Variants in CRISPLD1 observed in about 807,000 individuals in gnomAD.
CRISPLD1 encodes the protein cysteine rich secretory protein LCCL domain containing 1.
In CRISPLD1, 60 loss-of-function variants were observed where a neutral mutation model predicts 77.5. The observed-to-expected ratio is 0.77, with a 90% CI of 0.63 to 0.96. The LOEUF (loss-of-function observed/expected upper bound fraction) is 0.96, where lower values mean the gene tolerates loss of function less well. CRISPLD1 is among the 40% of genes least tolerant of loss of function. The probability of loss-of-function intolerance (pLI) is 0.00; values close to 1 mark genes in which losing one functional copy is unlikely to be tolerated. For synonymous variants in CRISPLD1, 195 were observed against 200.1 expected (o/e 0.97, Z 0.22); for missense variants, 623 against 615.8 (o/e 1.01, Z -0.12).
chr8:75,019,124 T>C (rs1054668961), intron 10 of CRISPLD1, among the ~76,000 whole-genome samples: 2 of 152,132 alleles, frequency 1.3e-5, no homozygotes, highest in African/African-American at 4.8e-5. Context: ...ATTTTATGCC[T>C]CAAAGAATGT....
chr8:75,007,951 G>T (rs141345683), intron 2 of CRISPLD1, among the ~76,000 whole-genome samples: 1 of 152,014 alleles, frequency 6.6e-6, no homozygotes, highest in African/African-American at 2.4e-5. Context: ...AAAGTGCTGG[G>T]AATATGGGCA....
chr8:75,013,657 G>A (rs1376838159), intron 4 of CRISPLD1, among the ~76,000 whole-genome samples: 1 of 152,088 alleles, frequency 6.6e-6, no homozygotes, highest in Non-Finnish European at 1.5e-5. Context: ...GTGATTTTCT[G>A]TTCCTTTGTC....
chr8:75,013,162 G>T, intron 4 of CRISPLD1, 140 bp downstream of exon 4: 1 of 608,336 alleles, frequency 1.6e-6, no homozygotes. Flanking sequence ...TGTTGAATTG[G>T]CTTACAAAGT....
At chr8:75,013,955 C>A in intron 4 of CRISPLD1, 32 bp from the exon 5 acceptor site, 2 of 1,464,242 alleles carry the variant, frequency 1.4e-6, no homozygotes, top group Non-Finnish European at 1.9e-6. Context: ...TTTCAGCCTG[C>A]TTTTTCTGAG....
At chr8:75,017,582 C>G (rs1813057167) in intron 10 of CRISPLD1, 132 bp downstream of exon 10, 2 of 792,706 alleles carry the variant, frequency 2.5e-6, no homozygotes, top group African/African-American at 1.8e-5. Flanking sequence ...TTCATTTTAG[C>G]TTGTAGTTTT....
chr8:75,018,807 G>T (rs972008324), intron 10 of CRISPLD1, among the ~76,000 whole-genome samples: 2 of 151,836 alleles, frequency 1.3e-5, no homozygotes, highest in African/African-American at 2.4e-5. Context: ...GGCGAGGCTG[G>T]TCTCAAACTC....
intron 10 of CRISPLD1, among the ~76,000 whole-genome samples, chr8:75,018,730 A>G (rs1813080994): frequency 6.6e-6 from 1 of 152,092 alleles, no homozygotes; most frequent in Non-Finnish European, 1.5e-5. Flanking sequence ...AGCTGGGACT[A>G]CAGGCACGTG....
chr8:74,992,905 G>GTT (rs771210880), intron 2 of CRISPLD1, among the ~76,000 whole-genome samples: 3,477 of 115,096 alleles, frequency 0.03, 85 homozygotes, highest in Non-Finnish European at 0.045. Flanking sequence ...AGAAATTATG[G>GTT]TTTTTTTTTT....
intron 6 of CRISPLD1, among the ~76,000 whole-genome samples, chr8:75,015,208 G>A (rs901140571): frequency 6.6e-6 from 1 of 152,032 alleles, no homozygotes. Flanking sequence ...TTGATGTATG[G>A]TTGACTAGAG....
At chr8:75,030,238 T>C (rs1031901123) in intron 14 of CRISPLD1, among the ~76,000 whole-genome samples, 2 of 152,160 alleles carry the variant, frequency 1.3e-5, no homozygotes, top group African/African-American at 2.4e-5. Context: ...AACACACACA[T>C]GTACACCAAA....
At chr8:75,018,872 G>A (rs548108157) in intron 10 of CRISPLD1, among the ~76,000 whole-genome samples, 4 of 152,246 alleles carry the variant, frequency 2.6e-5, no homozygotes, top group African/African-American at 7.2e-5. Flanking sequence ...GATTACAGGC[G>A]TGAGCCACCA....
At chr8:75,006,803 T>C (rs190308259) in intron 2 of CRISPLD1, among the ~76,000 whole-genome samples, 147 of 152,134 alleles carry the variant, frequency 9.7e-4, no homozygotes, top group Admixed American at 5.3e-3. Context: ...CCAAACAACT[T>C]TGTGGATAAA....
chr8:75,020,788 T>A (rs1813122573), intron 12 of CRISPLD1, among the ~76,000 whole-genome samples: 1 of 152,218 alleles, frequency 6.6e-6, no homozygotes, highest in Non-Finnish European at 1.5e-5. Flanking sequence ...TAGATCAATC[T>A]GATTGCATTT....
intron 2 of CRISPLD1, among the ~76,000 whole-genome samples, chr8:75,001,475 T>G (rs1275050074): frequency 6.6e-6 from 1 of 152,184 alleles, no homozygotes; most frequent in Non-Finnish European, 1.5e-5. Context: ...AGTCACAGTA[T>G]GGTAAGAAGT....
intron 5 of CRISPLD1, 108 bp downstream of exon 5, chr8:75,014,210 T>G: frequency 1.4e-6 from 1 of 712,414 alleles, no homozygotes; most frequent in South Asian, 1.7e-5. Context: ...CTGAAGTGTA[T>G]TATTTTAATT....
chr8:75,002,856 A>G (rs1449782937), intron 2 of CRISPLD1, among the ~76,000 whole-genome samples: 1 of 152,138 alleles, frequency 6.6e-6, no homozygotes, highest in Non-Finnish European at 1.5e-5. Flanking sequence ...GTGTGGGGTA[A>G]ATGAATATTT....
intron 14 of CRISPLD1, among the ~76,000 whole-genome samples, chr8:75,031,495 A>G (rs1473511097): frequency 3.9e-5 from 6 of 151,988 alleles, no homozygotes; most frequent in Non-Finnish European, 5.9e-5. Context: ...AATTTAATAA[A>G]GAGTAAAATT....
At chr8:75,006,163 A>C (rs1812827504) in intron 2 of CRISPLD1, among the ~76,000 whole-genome samples, 1 of 152,126 alleles carries the variant, frequency 6.6e-6, no homozygotes, top group African/African-American at 2.4e-5. Flanking sequence ...CTTATAAGTG[A>C]GAGCATGCAG....
At chr8:75,020,103 G>A (rs1158555284) in intron 12 of CRISPLD1, 24 bp downstream of exon 12, 2 of 1,593,182 alleles carry the variant, frequency 1.3e-6, no homozygotes, top group Non-Finnish European at 1.7e-6. Context: ...CACATAGGGG[G>A]CTTTGGCCCT....
Sources: allele counts gnomAD v4.1 joint callset (sites outside exome capture counted in the v4.1 genomes callset), GRCh38; gene constraint gnomAD v4.1.1; transcripts MANE v1.5; gene names NCBI Gene and HGNC (gene_info 2026-07-23, HGNC 2026-07-21).